HDAC9: variants seen among roughly 807,000 people sequenced by gnomAD.
The protein encoded by HDAC9 is MEF-2 interacting transcription repressor (MITR) protein.
A neutral mutation model predicts 139.4 loss-of-function variants in HDAC9; 41 were observed. The ratio of observed to expected loss-of-function variants is 0.29; its 90% CI spans 0.23 to 0.38. The LOEUF (loss-of-function observed/expected upper bound fraction) is 0.38. Among genes scored for constraint, HDAC9 ranks in the 10% least tolerant of loss-of-function variants. The pLI is 1.00. For synonymous variants in HDAC9, 517 were observed against 476.2 expected (o/e 1.09, Z -1.12); for missense variants, 1,147 against 1,297.0 (o/e 0.88, Z 1.78).
chr7:18,725,200 T>A (rs2129127155), intron 12 of HDAC9, among the ~76,000 whole-genome samples: 1 of 152,272 alleles, frequency 6.6e-6, no homozygotes, highest in Non-Finnish European at 1.5e-5. Context: ...AAAAAATGAA[T>A]CTAATCATAT....
chr7:18,881,095 A>C (rs983889946), intron 22 of HDAC9, among the ~76,000 whole-genome samples: 5 of 152,062 alleles, frequency 3.3e-5, no homozygotes, highest in African/African-American at 1.2e-4. Flanking sequence ...GACTCTAAAA[A>C]CTTGAGTACT....
chr7:18,799,038 AAGACACACACACACACACACACAC>A (rs1237594481), intron 17 of HDAC9, among the ~76,000 whole-genome samples: 76 of 143,634 alleles, frequency 5.3e-4, no homozygotes, highest in African/African-American at 1.5e-3. Context: ...AATGTGCCCT[AAGACACACACACACACACACACAC>A]ACACACACAC....
chr7:18,481,656 A>C (rs1563031604), intron 1 of HDAC9, among the ~76,000 whole-genome samples: 1 of 152,196 alleles, frequency 6.6e-6, no homozygotes. Flanking sequence ...TGATAAAATG[A>C]TGTAATGTGA....
intron 2 of HDAC9, among the ~76,000 whole-genome samples, chr7:18,195,189 G>T (rs1364881670): frequency 6.6e-6 from 1 of 152,072 alleles, no homozygotes; most frequent in Non-Finnish European, 1.5e-5. Context: ...ACCTCTTTGT[G>T]TATCTGACAG....
chr7:18,568,052 A>ATATATATATATG (rs1823040850), intron 2 of HDAC9, among the ~76,000 whole-genome samples: 1 of 139,056 alleles, frequency 7.2e-6, no homozygotes, highest in African/African-American at 2.6e-5. Flanking sequence ...ATATATATAT[A>ATATATATATATG]TGTAAGCTTA....
chr7:18,546,506 C>T (rs1001842312), intron 2 of HDAC9, among the ~76,000 whole-genome samples: 3 of 152,132 alleles, frequency 2.0e-5, no homozygotes, highest in Non-Finnish European at 2.9e-5. Flanking sequence ...TATAGCTTCT[C>T]CTTATATTTC....
At chr7:18,691,091 A>G (rs1782640516) in intron 12 of HDAC9, among the ~76,000 whole-genome samples, 1 of 152,046 alleles carries the variant, frequency 6.6e-6, no homozygotes, top group Non-Finnish European at 1.5e-5. Context: ...CAGTATTTAC[A>G]CATGCATAGA....
At chr7:18,957,282 A>T (rs1221564823) in intron 24 of HDAC9, among the ~76,000 whole-genome samples, 1 of 152,150 alleles carries the variant, frequency 6.6e-6, no homozygotes, top group Non-Finnish European at 1.5e-5. Flanking sequence ...CCACTCTTCT[A>T]TGCTAAAGGA....
intron 2 of HDAC9, among the ~76,000 whole-genome samples, chr7:18,503,896 T>C (rs1258383906): frequency 6.6e-6 from 1 of 152,198 alleles, no homozygotes; most frequent in African/African-American, 2.4e-5. Context: ...CATTTTCAAA[T>C]GAGAATGTCA....
chr7:18,658,907 A>C (rs1212888244), intron 11 of HDAC9, among the ~76,000 whole-genome samples: 1 of 151,478 alleles, frequency 6.6e-6, no homozygotes, highest in East Asian at 1.9e-4. Context: ...AGCAAAAAAA[A>C]AAAAAACAAA....
chr7:18,170,762 G>A (rs1788367490), intron 2 of HDAC9, among the ~76,000 whole-genome samples: 1 of 152,134 alleles, frequency 6.6e-6, no homozygotes, highest in South Asian at 2.1e-4. Context: ...TTGTAGATGT[G>A]TGGTGTTATT....
intron 6 of HDAC9, among the ~76,000 whole-genome samples, chr7:18,620,714 A>G (rs1839985972): frequency 6.6e-6 from 1 of 152,096 alleles, no homozygotes; most frequent in Non-Finnish European, 1.5e-5. Flanking sequence ...GATGCTAAGG[A>G]AAAATGCCCA....
At chr7:18,573,119 A>C (rs1392729042) in intron 2 of HDAC9, among the ~76,000 whole-genome samples, 1 of 152,216 alleles carries the variant, frequency 6.6e-6, no homozygotes, top group East Asian at 1.9e-4. Flanking sequence ...TAGTAAATCA[A>C]AGCCCAGGTT....
At chr7:18,952,890 C>T (rs2129323516) in intron 23 of HDAC9, among the ~76,000 whole-genome samples, 1 of 150,050 alleles carries the variant, frequency 6.7e-6, no homozygotes, top group South Asian at 2.1e-4. Context: ...TTTTCTTTGG[C>T]AGCTAAGAAA....
At chr7:18,783,772 A>G in intron 16 of HDAC9, among the ~76,000 whole-genome samples, 1 of 152,040 alleles carries the variant, frequency 6.6e-6, no homozygotes, top group East Asian at 1.9e-4. Context: ...GCCATATTCA[A>G]CACATACATA....
chr7:18,749,119 G>A lies in HDAC9; in HGVS notation c.2024G>A (p.Gly675Glu), dbSNP rs1250143975. Residue 675 changes from glycine to glutamate, a missense_variant, in exon 14 of 26, where the codon GGG becomes GAG. Physicochemically the swap from Gly to Glu is moderately conservative, Grantham distance 98. Transcript: ENST00000686413. ...ATCTGGTCACGACTGCAAGAAACTG[G>A]GCTGCTAAATAAATGTGAGGTAATC... ...QSIWSRLQETGLLNKCERIQG... is the reference protein window; with the variant it reads ...QSIWSRLQETELLNKCERIQG... The A allele has an allele frequency of 1.2e-6, 2 of 1,613,474 alleles. No homozygotes were observed. The highest frequency in any genetic ancestry group is 1.7e-6 in the Non-Finnish European group (2 of 1,179,732).
In HDAC9 at chr7:18,354,022, A is replaced by G. The variant is rs1783063102; in HGVS notation, c.-42+63507A>G. Among the ~76,000 whole-genome samples, 3 of 152,284 alleles carry G rather than the reference A, an allele frequency of 2.0e-5. No individual in the cohort carries two copies. The South Asian group carries it at 6.2e-4, about 32-fold the overall frequency. ...AGGGTGGCTTTACCCTTTAAGTTAA[A>G]TTAAACCATTTGGGACTTAGCAAAT... is the stretch of plus-strand genomic sequence containing the variant. On this transcript the variant is annotated intron_variant, in intron 1 of 3. Coordinates refer to the HDAC9 transcript ENST00000413509.
At chr7:18,744,670 A>C (rs375252870) in intron 13 of HDAC9, among the ~76,000 whole-genome samples, 1 of 152,148 alleles carries the variant, frequency 6.6e-6, no homozygotes. Flanking sequence ...ACTGAGTGTA[A>C]ATTTGAAGAC....
chr7:18,532,025 G>A (rs1348949988), intron 2 of HDAC9, among the ~76,000 whole-genome samples: 1 of 152,156 alleles, frequency 6.6e-6, no homozygotes, highest in South Asian at 2.1e-4. Flanking sequence ...GAGGCAGGTG[G>A]ATTACCTGAG....
Sources: gnomAD v4.1 joint callset for allele counts (sites outside exome capture counted in the v4.1 genomes callset) on GRCh38, gnomAD v4.1.1 for gene constraint, MANE v1.5 for transcripts, NCBI Gene and HGNC (gene_info 2026-07-23, HGNC 2026-07-21) for gene names.